Variants in KNL1 observed in about 807,000 individuals in gnomAD.
KNL1 encodes outer kinetochore KNL1 complex subunit KNL1.
Under a neutral mutation model 201.3 loss-of-function variants are expected in KNL1, and 66 were observed. The ratio of observed to expected loss-of-function variants is 0.33; its 90% CI spans 0.27 to 0.40. KNL1 has a LOEUF of 0.40. Ranked by LOEUF, KNL1 falls within the 10% of genes least tolerant of loss-of-function variation. The pLI, the probability that KNL1 is intolerant of heterozygous loss-of-function variation, is 1.00. For missense variants in KNL1, 2,815 were observed against 2,690.5 expected, an observed-to-expected ratio of 1.05 and a Z score of -1.02; for synonymous variants, 895 against 899.2, an observed-to-expected ratio of 1.00 and a Z score of 0.08.
intron 17 of KNL1, among the ~76,000 whole-genome samples, chr15:40,648,487 T>C (rs760556224): frequency 6.6e-6 from 1 of 152,208 alleles, no homozygotes; most frequent in Non-Finnish European, 1.5e-5. Context: ...TGTTCTCTCT[T>C]ATGATGTTTC....
chr15:40,622,884 A>G lies in KNL1; in HGVS notation c.2620A>G (p.Ile874Val), dbSNP rs1276257522. The G allele has an allele frequency of 1.2e-6, 2 of 1,612,906 alleles. No homozygotes were observed. Among genetic ancestry groups the G allele is most frequent in the South Asian group, 1.1e-5 (1 of 91,020 alleles). The change falls in exon 10 of 26, where the codon ATC (isoleucine) becomes GTC (valine). Residue 874 changes from isoleucine (I) to valine (V), a missense_variant. Physicochemically the swap from Ile to Val is conservative, Grantham distance 29 (BLOSUM62 3). Coordinates refer to ENST00000399668, the MANE Select transcript of KNL1 (RefSeq NM_144508.5). ...FSEDDKNDMD[I>V]TKSYTIEINH... ...AGAAGACGATAAGAATGATATGGAT[A>G]TCACTAAGAGTTATACAATAGAAAT...
At chr15:40,638,803 T>C (rs1893134668) in intron 13 of KNL1, among the ~76,000 whole-genome samples, 1 of 151,082 alleles carries the variant, frequency 6.6e-6, no homozygotes, top group East Asian at 1.9e-4. Flanking sequence ...CCATTTCTTT[T>C]TTTTCTTTCT....
Position 40,606,415 on chromosome 15 carries a change from C to G in KNL1, c.98C>G (p.Pro33Arg), listed in dbSNP as rs765859516. The G allele has an allele frequency of 7.0e-6, 11 of 1,581,168 alleles. No homozygotes were observed. The highest frequency in any genetic ancestry group is 9.6e-6 in the Non-Finnish European group (11 of 1,150,698). ...TAGATATTGAAACCCCCAAGGAGTC[C>G]TCTTCAGGACCTCAGAGGTGGGAAT... ...HSSILKPPRS[P>R]LQDLRGGNER... Residue 33 changes from proline (P) to arginine (R), a missense_variant, in exon 4 of 26, where the codon CCT (proline) becomes CGT (arginine). Around this residue, in one of 3 missense-constraint regions of KNL1, gnomAD observed 2,464 missense variants for 2,291.7 expected, o/e 1.08. Transcript: ENST00000399668.
At position 40,623,853 on chromosome 15, in the gene KNL1, T is replaced by G. The variant is rs770469229; in HGVS notation, c.3589T>G (p.Leu1197Val). 6.2e-7 allele frequency: 1 copy of G among 1,613,496 alleles called. No homozygotes were observed. Among genetic ancestry groups the G allele is most frequent in the East Asian group, 2.2e-5 (1 of 44,862 alleles). Residue 1197 changes from leucine to valine, a missense_variant, in exon 10 of 26, where the codon TTG becomes GTG. Leu to Val is a conservative substitution (Grantham distance 32). Transcript: ENST00000399668. ...PKFGIGKGKN[L>V]GVSFPKDNSC... ...ATTTGGAATAGGAAAAGGAAAAAAC[T>G]TGGGTGTTTCCTTTCCTAAGGATAA...
chr15:40,661,606 G>A (rs767526217), intron 25 of KNL1, among the ~76,000 whole-genome samples: 4 of 152,142 alleles, frequency 2.6e-5, no homozygotes, highest in Non-Finnish European at 5.9e-5. Context: ...TATAGAATTG[G>A]TTCTTAGGCC....
At chr15:40,627,320 C>A (rs1476923530) in intron 10 of KNL1, among the ~76,000 whole-genome samples, 1 of 152,200 alleles carries the variant, frequency 6.6e-6, no homozygotes, top group African/African-American at 2.4e-5. Context: ...CAAGACCATC[C>A]TGGCTAACAC....
chr15:40,650,393 TAAG>T lies in KNL1; in HGVS notation c.6172+16_6172+18del, dbSNP rs1387982168. ...TGCAGAAAAAGGTAATTGAATTAGT[TAAG>T]GAGATAAATGGGTGTGGGGGAAGCC... On this transcript the variant is annotated intron_variant, in intron 18 of 25. Coordinates refer to ENST00000399668, the MANE Select transcript of KNL1 (RefSeq NM_144508.5). The T allele has an allele frequency of 9.4e-6, 15 of 1,600,042 alleles. No homozygotes were observed. Among genetic ancestry groups the T allele is most frequent in the Non-Finnish European group, 1.2e-5 (14 of 1,167,516 alleles).
At chr15:40,653,483 G>A (rs1466853828) in intron 21 of KNL1, among the ~76,000 whole-genome samples, 2 of 152,100 alleles carry the variant, frequency 1.3e-5, no homozygotes, top group African/African-American at 4.8e-5. Context: ...GAACCACAGC[G>A]CCCAACCTAC....
intron 21 of KNL1, among the ~76,000 whole-genome samples, chr15:40,653,063 A>C (rs1417236565): frequency 6.6e-6 from 1 of 152,142 alleles, no homozygotes; most frequent in Non-Finnish European, 1.5e-5. Flanking sequence ...TTCTTTTCTC[A>C]ATGAATAGCG....
chr15:40,611,094 A>T (rs936547311), intron 6 of KNL1, among the ~76,000 whole-genome samples: 4 of 129,034 alleles, frequency 3.1e-5, no homozygotes, highest in East Asian at 2.0e-4. Context: ...GTAATTTTTT[A>T]AAAATTTTAT....
At chr15:40,609,863 A>G (rs1365858875) in intron 5 of KNL1, among the ~76,000 whole-genome samples, 1 of 152,188 alleles carries the variant, frequency 6.6e-6, no homozygotes, top group Non-Finnish European at 1.5e-5. Flanking sequence ...AAATAAATAA[A>G]TAAACTATAA....
intron 1 of KNL1, among the ~76,000 whole-genome samples, chr15:40,601,260 A>T (rs1211788609): frequency 1.3e-5 from 2 of 152,222 alleles, no homozygotes; most frequent in Non-Finnish European, 2.9e-5. Flanking sequence ...GAGGTGGAAC[A>T]GTTTCATCCC....
At chr15:40,657,232 T>C in intron 23 of KNL1, 81 bp downstream of exon 23, 1 of 1,050,568 alleles carries the variant, frequency 9.5e-7, no homozygotes. Context: ...ACATAAATAA[T>C]AGTGGATCCT....
intron 7 of KNL1, among the ~76,000 whole-genome samples, chr15:40,612,810 C>G (rs577556879): frequency 6.6e-6 from 1 of 152,186 alleles, no homozygotes; most frequent in Non-Finnish European, 1.5e-5. Flanking sequence ...AGCCACTGTG[C>G]CTGGCCTAAA....
intron 17 of KNL1, chr15:40,650,088 T>A (rs1381593265): frequency 2.4e-6 from 1 of 415,522 alleles, no homozygotes. Context: ...AGTCTAAAGT[T>A]CACCCCTTTG....
In KNL1 at chr15:40,629,209, G is replaced by T. The variant is rs1015422959; in HGVS notation, c.5584-64G>T. 5.8e-6 allele frequency: 5 copies of T among 867,474 alleles called. No homozygotes were observed. The African/African-American group carries it at 8.8e-5, about 15-fold the overall frequency. The allele number at this position is 867,474 out of a possible 1,614,324, so 53.7% of individuals were successfully genotyped here. A position where few individuals can be genotyped will look rare whatever the true frequency, so the allele number is the denominator to read the frequency against. ...ATACCTTAAGCTTTTAGAAACAAAT[G>T]AAGTGGTTATATCAAAGTGAAATCA... On this transcript the variant is annotated intron_variant, in intron 12 of 25. Coordinates refer to ENST00000399668, the MANE Select transcript of KNL1 (RefSeq NM_144508.5).
chr15:40,612,118 C>T (rs756483587), intron 7 of KNL1, among the ~76,000 whole-genome samples: 1 of 152,012 alleles, frequency 6.6e-6, no homozygotes, highest in Non-Finnish European at 1.5e-5. Context: ...GAGATCGAGA[C>T]CATCCTGGCC....
At position 40,620,772 on chromosome 15, in the gene KNL1, A is replaced by G. The variant is rs952071296; in HGVS notation, c.508A>G (p.Ile170Val). Residue 170 changes from isoleucine (I) to valine (V), a missense_variant, in exon 10 of 26, where the codon ATA becomes GTA. Ile to Val is a conservative substitution (Grantham distance 29). Coordinates refer to ENST00000399668, the MANE Select transcript of KNL1 (RefSeq NM_144508.5). ...TACCAAAGGCCTTTTAGATAATCCC[A>G]TAAGTGAAAAGTCCACCAAGATAGA... is the stretch of plus-strand genomic sequence containing the variant. ...MITKGLLDNP[I>V]SEKSTKIDTT... 8.1e-6 allele frequency: 13 copies of G among 1,613,606 alleles called. No individual in the cohort carries two copies. Among genetic ancestry groups the G allele is most frequent in the Middle Eastern group, 1.6e-4 (1 of 6,084 alleles).
rs537957030 is a variant in KNL1, at chr15:40,664,096, A to T, written c.*1908A>T. On this transcript the variant is annotated 3_prime_UTR_variant, in exon 26 of 26. Coordinates refer to ENST00000399668, the MANE Select transcript of KNL1 (RefSeq NM_144508.5). ...GAGTTATTTCTTTTCTGTAAGTCTG[A>T]AAAGTAGAGATTTTGTTTTACGCAT... The T allele has an allele frequency of 5.4e-6, 1 of 184,546 alleles. No homozygotes were observed. Among genetic ancestry groups the T allele is most frequent in the South Asian group, 2.0e-4 (1 of 5,084 alleles). The allele number at this position is 184,546 out of a possible 1,614,324, so 11.4% of individuals were successfully genotyped here.
Sources: allele counts gnomAD v4.1 joint callset (sites outside exome capture counted in the v4.1 genomes callset), GRCh38; gene constraint gnomAD v4.1.1; regional missense constraint gnomAD v4.1.1; transcripts MANE v1.5; gene names NCBI Gene and HGNC (gene_info 2026-07-23, HGNC 2026-07-21).